Variants in NEDD4L observed in about 807,000 individuals in gnomAD.
NEDD4L encodes E3 ubiquitin-protein ligase NEDD4-like.
A neutral mutation model predicts 148.9 loss-of-function variants in NEDD4L; 54 were observed. The observed-to-expected ratio is 0.36, with a 90% CI of 0.29 to 0.45. The LOEUF is 0.45. NEDD4L is among the 20% of genes least tolerant of loss of function. The pLI is 1.00. For missense variants in NEDD4L, 856 were observed against 1,233.8 expected (o/e 0.69, Z 4.59); for synonymous variants, 433 against 440.7 (o/e 0.98, Z 0.22).
chr18:58,321,307 G>A (rs2058749312), intron 6 of NEDD4L, among the ~76,000 whole-genome samples: 1 of 152,242 alleles, frequency 6.6e-6, no homozygotes, highest in African/African-American at 2.4e-5. Context: ...CTCACACTTG[G>A]ATGGCAAAGT....
At chr18:58,170,079 A>T (rs2037377499) in intron 2 of NEDD4L, among the ~76,000 whole-genome samples, 1 of 152,142 alleles carries the variant, frequency 6.6e-6, no homozygotes, top group South Asian at 2.1e-4. Context: ...AGATTGCATG[A>T]AGTGAGCCCG....
At chr18:58,219,702 A>C (rs2043528580) in intron 2 of NEDD4L, among the ~76,000 whole-genome samples, 1 of 152,190 alleles carries the variant, frequency 6.6e-6, no homozygotes, top group South Asian at 2.1e-4. Context: ...TACTAACCTC[A>C]TTTTAACTTA....
intron 5 of NEDD4L, among the ~76,000 whole-genome samples, chr18:58,297,952 G>A (rs1326518880): frequency 6.6e-6 from 1 of 152,132 alleles, no homozygotes; most frequent in Non-Finnish European, 1.5e-5. Flanking sequence ...TCCCTGTTGT[G>A]CTTCGATGAT....
intron 13 of NEDD4L, chr18:58,335,839 T>A (rs1047050225): frequency 7.7e-6 from 2 of 259,968 alleles, no homozygotes; most frequent in African/African-American, 4.5e-5. Flanking sequence ...TCCTGATAAG[T>A]TTTTCCATTT....
At chr18:58,184,309 C>A (rs530429598) in intron 2 of NEDD4L, among the ~76,000 whole-genome samples, 1 of 151,622 alleles carries the variant, frequency 6.6e-6, no homozygotes, top group Non-Finnish European at 1.5e-5. Context: ...GGATTCTCTA[C>A]CCTCCTCTCC....
intron 1 of NEDD4L, among the ~76,000 whole-genome samples, chr18:58,127,558 G>T (rs966539408): frequency 6.6e-6 from 1 of 151,458 alleles, no homozygotes. Context: ...AAAAAAAATC[G>T]GCCGGGTGCG....
chr18:58,398,697 G>A lies in NEDD4L; in HGVS notation c.*2428G>A, dbSNP rs1456349711. Reference sequence around the variant, plus strand: ...AGTATTTTTTAAAAAAGCAAAACAAGGTTCAGTAGTCCTCAGCAATTCTCC... The same window carrying A: ...AGTATTTTTTAAAAAAGCAAAACAAAGTTCAGTAGTCCTCAGCAATTCTCC... On this transcript the variant is annotated 3_prime_UTR_variant, in exon 31 of 31. Coordinates refer to ENST00000400345, the MANE Select transcript of NEDD4L (RefSeq NM_001144967.3). 2.6e-5 allele frequency: 4 copies of A among 152,162 alleles called. No homozygotes were observed. The highest frequency in any genetic ancestry group is 4.8e-5 in the African/African-American group (2 of 41,442). The allele number at this position is 152,162 out of a possible 1,614,324, so 9.4% of individuals were successfully genotyped here.
intron 1 of NEDD4L, among the ~76,000 whole-genome samples, chr18:58,049,067 GA>G (rs2081734059): frequency 6.6e-6 from 1 of 152,164 alleles, no homozygotes. Flanking sequence ...TTATTTCAGA[GA>G]AGTTGAAATA....
intron 5 of NEDD4L, among the ~76,000 whole-genome samples, chr18:58,306,312 A>G (rs1483699285): frequency 6.6e-6 from 1 of 152,176 alleles, no homozygotes; most frequent in Non-Finnish European, 1.5e-5. Flanking sequence ...GTGAAGTAAA[A>G]GAATAAAAAC....
rs1221803547 is a variant in NEDD4L, at chr18:58,395,828, A to G, written c.2826-339A>G. ...AAGTAATAGTATTAGAGATAGACAC[A>G]GTCTTAATTCGTGGGTAACTCCAAA... On this transcript the variant is annotated intron_variant, in intron 30 of 30. Transcript: ENST00000400345. 4.6e-5 allele frequency among the ~76,000 whole-genome samples: 7 copies of G among 152,346 alleles called. No homozygotes were observed. The South Asian group carries it at 1.2e-3, about 27-fold the overall frequency.
intron 1 of NEDD4L, among the ~76,000 whole-genome samples, chr18:58,131,532 G>T (rs1034390994): frequency 6.6e-6 from 1 of 151,790 alleles, no homozygotes; most frequent in African/African-American, 2.4e-5. Flanking sequence ...GGGTTTGGTT[G>T]TGATCTAGCA....
At chr18:58,339,078 A>G (rs2042119923) in intron 13 of NEDD4L, among the ~76,000 whole-genome samples, 2 of 151,474 alleles carry the variant, frequency 1.3e-5, no homozygotes, top group Admixed American at 1.3e-4. Flanking sequence ...TAAGGTTTCC[A>G]GAGCTAAGGT....
intron 10 of NEDD4L, among the ~76,000 whole-genome samples, chr18:58,329,406 G>A (rs904433445): frequency 2.0e-5 from 3 of 152,072 alleles, no homozygotes; most frequent in African/African-American, 7.2e-5. Context: ...GCCCAGGCTA[G>A]AGTGCAGTGG....
intron 1 of NEDD4L, among the ~76,000 whole-genome samples, chr18:58,164,055 C>T (rs772343931): frequency 1.3e-4 from 20 of 149,402 alleles, no homozygotes; most frequent in Non-Finnish European, 1.9e-4. Flanking sequence ...TTTTTGAGAC[C>T]GAGTCTCAAA....
intron 1 of NEDD4L, among the ~76,000 whole-genome samples, chr18:58,144,886 T>C (rs1195851618): frequency 6.6e-6 from 1 of 152,136 alleles, no homozygotes; most frequent in Non-Finnish European, 1.5e-5. Flanking sequence ...GAGTAAATAT[T>C]AATACATGTG....
chr18:58,174,288 A>G (rs1302018251), intron 2 of NEDD4L, among the ~76,000 whole-genome samples: 1 of 151,930 alleles, frequency 6.6e-6, no homozygotes, highest in Non-Finnish European at 1.5e-5. Context: ...AAAAGGCAAC[A>G]TTTGATTCAT....
intron 5 of NEDD4L, among the ~76,000 whole-genome samples, chr18:58,275,538 C>T (rs1018211819): frequency 2.6e-5 from 4 of 152,158 alleles, no homozygotes; most frequent in Non-Finnish European, 4.4e-5. Flanking sequence ...ATAACACAGG[C>T]CAGGTTATAT....
chr18:58,317,836 G>A (rs1037319181), intron 6 of NEDD4L, among the ~76,000 whole-genome samples: 1 of 152,178 alleles, frequency 6.6e-6, no homozygotes, highest in Admixed American at 6.5e-5. Flanking sequence ...CGTGTGCCCA[G>A]AGGGTAACTT....
At chr18:58,108,373 T>A (rs901820482) in intron 1 of NEDD4L, among the ~76,000 whole-genome samples, 9 of 152,202 alleles carry the variant, frequency 5.9e-5, no homozygotes, top group Admixed American at 2.6e-4. Context: ...ATTTTGAAAT[T>A]AAACTTCTTA....
Sources: allele counts gnomAD v4.1 joint callset (sites outside exome capture counted in the v4.1 genomes callset), GRCh38; gene constraint gnomAD v4.1.1; transcripts MANE v1.5; gene names NCBI Gene and HGNC (gene_info 2026-07-23, HGNC 2026-07-21).